The following NTM variants were observed in gnomAD, a reference collection of about 807,000 sequenced individuals.
NTM encodes IgLON family member 2.
Under a neutral mutation model 42.1 loss-of-function variants are expected in NTM, and 13 were observed. The ratio of observed to expected loss-of-function variants is 0.31; its 90% CI spans 0.20 to 0.49. The LOEUF (loss-of-function observed/expected upper bound fraction) is 0.49, where lower values mean the gene tolerates loss of function less well. Among genes scored for constraint, NTM ranks in the 20% least tolerant of loss-of-function variants. The probability of loss-of-function intolerance (pLI) is 0.99; values close to 1 mark genes in which losing one functional copy is unlikely to be tolerated. For missense variants in NTM, 373 were observed against 452.8 expected (o/e 0.82, Z 1.60); for synonymous variants, 187 against 179.2 (o/e 1.04, Z -0.35).
intron 1 of NTM, among the ~76,000 whole-genome samples, chr11:131,510,029 G>A (rs182285187): frequency 2.6e-5 from 4 of 152,178 alleles, no homozygotes; most frequent in Non-Finnish European, 4.4e-5. Context: ...CACGTCTCTA[G>A]AGTTTCTTCT....
chr11:131,905,795 G>C (rs533133569), intron 1 of NTM, among the ~76,000 whole-genome samples: 1 of 152,212 alleles, frequency 6.6e-6, no homozygotes, highest in East Asian at 1.9e-4. Context: ...CTGTTGAGTT[G>C]ATGAAGGGCT....
intron 1 of NTM, among the ~76,000 whole-genome samples, chr11:131,812,957 G>T (rs957534021): frequency 6.6e-6 from 1 of 152,168 alleles, no homozygotes; most frequent in Non-Finnish European, 1.5e-5. Context: ...TGGCTCAAAG[G>T]TGGAGACTAT....
At chr11:131,858,180 ACT>A (rs957433240) in intron 1 of NTM, among the ~76,000 whole-genome samples, 5 of 150,954 alleles carry the variant, frequency 3.3e-5, no homozygotes, top group South Asian at 2.1e-4. Flanking sequence ...CTTCCTACAC[ACT>A]CTCTTTTCTT....
intron 7 of NTM, among the ~76,000 whole-genome samples, chr11:132,326,374 A>C (rs919598137): frequency 6.6e-6 from 1 of 152,134 alleles, no homozygotes; most frequent in Non-Finnish European, 1.5e-5. Flanking sequence ...CAGAAGGTGT[A>C]CTCAACTCAC....
At chr11:131,764,664 A>G (rs2084825006) in intron 1 of NTM, among the ~76,000 whole-genome samples, 1 of 152,234 alleles carries the variant, frequency 6.6e-6, no homozygotes. Context: ...GACTATTGTG[A>G]GAATTAAATA....
intron 1 of NTM, among the ~76,000 whole-genome samples, chr11:131,460,191 A>C (rs1036020359): frequency 2.6e-5 from 4 of 152,310 alleles, no homozygotes; most frequent in African/African-American, 7.2e-5. Flanking sequence ...CCAGATGATG[A>C]ATAGACTAGG....
chr11:131,617,999 G>A (rs2062124173), intron 1 of NTM, among the ~76,000 whole-genome samples: 1 of 152,162 alleles, frequency 6.6e-6, no homozygotes, highest in African/African-American at 2.4e-5. Flanking sequence ...ATGTGGCCTG[G>A]GCTACAGCCT....
chr11:131,578,940 A>G (rs2058160408), intron 1 of NTM, among the ~76,000 whole-genome samples: 1 of 152,226 alleles, frequency 6.6e-6, no homozygotes, highest in Non-Finnish European at 1.5e-5. Context: ...AGATAGTCAC[A>G]GGAAAAAGAC....
chr11:131,433,092 C>T (rs536978265), intron 1 of NTM, among the ~76,000 whole-genome samples: 3 of 151,970 alleles, frequency 2.0e-5, no homozygotes, highest in African/African-American at 4.8e-5. Context: ...CTCCTGACCT[C>T]GTGATCCCCC....
At chr11:131,509,000 C>A (rs1013210701) in intron 1 of NTM, among the ~76,000 whole-genome samples, 1 of 151,624 alleles carries the variant, frequency 6.6e-6, no homozygotes, top group African/African-American at 2.4e-5. Flanking sequence ...CTAACCTGCA[C>A]AATGTGCACA....
At chr11:132,078,377 G>C (rs1415199331) in intron 2 of NTM, among the ~76,000 whole-genome samples, 1 of 152,316 alleles carries the variant, frequency 6.6e-6, no homozygotes, top group East Asian at 1.9e-4. Context: ...CCTCGGTGTG[G>C]CTCAGGCTGC....
intron 1 of NTM, among the ~76,000 whole-genome samples, chr11:131,623,361 C>T (rs976936066): frequency 1.3e-5 from 2 of 152,198 alleles, no homozygotes; most frequent in East Asian, 1.9e-4. Context: ...CAGTAAAAAT[C>T]GTATACAAAT....
chr11:131,836,731 G>T (rs975690105), intron 1 of NTM, among the ~76,000 whole-genome samples: 1 of 152,100 alleles, frequency 6.6e-6, no homozygotes, highest in African/African-American at 2.4e-5. Context: ...TTCCTCAGGG[G>T]ATTATTAATT....
chr11:132,095,087 C>T (rs924005729), intron 2 of NTM, among the ~76,000 whole-genome samples: 17 of 152,156 alleles, frequency 1.1e-4, no homozygotes, highest in African/African-American at 2.7e-4. Flanking sequence ...CTGGAGTTGC[C>T]GGCCTGCTCG....
intron 2 of NTM, among the ~76,000 whole-genome samples, chr11:132,019,969 G>A (rs965669408): frequency 7.2e-5 from 11 of 151,826 alleles, no homozygotes; most frequent in Non-Finnish European, 1.3e-4. Flanking sequence ...TACCTGACAG[G>A]TAGTTATTCA....
intron 3 of NTM, among the ~76,000 whole-genome samples, chr11:132,185,902 G>A (rs2078318725): frequency 6.6e-6 from 1 of 152,068 alleles, no homozygotes; most frequent in South Asian, 2.1e-4. Flanking sequence ...GCAAATAATG[G>A]GTCAAGGCAC....
At chr11:131,805,469 G>A (rs776790702) in intron 1 of NTM, among the ~76,000 whole-genome samples, 5 of 152,108 alleles carry the variant, frequency 3.3e-5, no homozygotes, top group African/African-American at 9.7e-5. Flanking sequence ...CATGAAAATC[G>A]TATGATTTAC....
At chr11:131,777,116 T>G in intron 1 of NTM, 1 of 909,230 alleles carries the variant, frequency 1.1e-6, no homozygotes, top group Non-Finnish European at 1.3e-6. Flanking sequence ...TTGAAGGAAG[T>G]ACTCAGTGTA....
intron 1 of NTM, among the ~76,000 whole-genome samples, chr11:131,865,001 C>A (rs771949540): frequency 6.6e-6 from 1 of 152,204 alleles, no homozygotes; most frequent in African/African-American, 2.4e-5. Context: ...GGGTCTCCCA[C>A]CTCCAGCACC....
Sources: gnomAD v4.1 joint callset for allele counts (sites outside exome capture counted in the v4.1 genomes callset) on GRCh38, gnomAD v4.1.1 for gene constraint, MANE v1.5 for transcripts, NCBI Gene and HGNC (gene_info 2026-07-23, HGNC 2026-07-21) for gene names.